The following SFPQ variants were observed in gnomAD, a reference collection of about 807,000 sequenced individuals.
SFPQ encodes the protein splicing factor, proline- and glutamine-rich.
Under a neutral mutation model 72.9 loss-of-function variants are expected in SFPQ, and 11 were observed. That is an observed-to-expected ratio of 0.15 (90% CI 0.09 to 0.25). SFPQ has a LOEUF of 0.25. Ranked by LOEUF, SFPQ falls within the 10% of genes least tolerant of loss-of-function variation. The pLI is 1.00. For synonymous variants in SFPQ, 506 were observed against 367.3 expected, an observed-to-expected ratio of 1.38 and a Z score of -4.32; for missense variants, 847 against 993.3, an observed-to-expected ratio of 0.85 and a Z score of 1.98.
At chr1:35,180,544 C>A, downstream of SFPQ, 1 of 1,049,592 alleles carries the variant, frequency 9.5e-7, no homozygotes, top group Non-Finnish European at 1.2e-6. Flanking sequence ...AGTCCCATAA[C>A]TTGAACTATT....
downstream of SFPQ, chr1:35,180,751 A>C (rs1444217837): frequency 9.4e-7 from 1 of 1,060,748 alleles, no homozygotes; most frequent in East Asian, 5.1e-5. Context: ...AATAGAGACT[A>C]ATTATCACAT....
intron 5 of SFPQ, among the ~76,000 whole-genome samples, chr1:35,176,867 C>T (rs1639264310): frequency 1.4e-5 from 2 of 140,000 alleles, no homozygotes; most frequent in South Asian, 4.4e-4. Context: ...GAGCAAGACT[C>T]CGTCTCAAAA....
downstream of SFPQ, chr1:35,181,183 T>C: frequency 9.4e-7 from 1 of 1,065,480 alleles, no homozygotes; most frequent in Non-Finnish European, 1.1e-6. Context: ...GAATACTACA[T>C]CCGGGTCCTA....
At chr1:35,190,461 G>C in intron 4 of SFPQ, 37 bp downstream of exon 4, 1 of 1,423,336 alleles carries the variant, frequency 7.0e-7, no homozygotes, top group Non-Finnish European at 9.8e-7. Context: ...CTTTACACTT[G>C]ATTTAAAAAC....
At chr1:35,177,924 TA>T in intron 4 of SFPQ, 2 of 721,918 alleles carry the variant, frequency 2.8e-6, no homozygotes, top group Non-Finnish European at 3.7e-6. Flanking sequence ...TCCACATATC[TA>T]AATGAAATTA....
At chr1:35,182,855 A>G (rs544014941), downstream of SFPQ, 53 of 1,046,658 alleles carry the variant, frequency 5.1e-5, no homozygotes, top group South Asian at 2.2e-3. Context: ...AACAATAAAC[A>G]ATCTACTTTA....
At position 35,191,508 on chromosome 1, in the gene SFPQ, G is replaced by T; in HGVS notation, c.850C>A (p.Leu284Ile). The T allele has an allele frequency of 6.2e-7, 1 of 1,612,866 alleles. No homozygotes were observed. The highest frequency in any genetic ancestry group is 8.5e-7 in the Non-Finnish European group (1 of 1,179,722). Residue 284 changes from leucine to isoleucine, a missense_variant, in exon 2 of 10, where the codon CTC (leucine) becomes ATC (isoleucine). This residue lies in a region of SFPQ where 498 missense variants were observed against 405.1 expected (regional missense o/e 1.23). Transcript: ENST00000357214. ...DSEGFKANLS[L>I]LRRPGEKTYT... ...GTTTTCTCTCCAGGCCTCCTCAAGA[G>T]AGACAAATTGGCTTTAAACCCCTAA...
chr1:35,179,527 A>G (rs2148604614), downstream of SFPQ: 1 of 1,053,958 alleles, frequency 9.5e-7, no homozygotes, highest in Admixed American at 5.5e-5. Context: ...GCACCTCGGT[A>G]TAGCATTATT....
chr1:35,193,027 C>T lies in SFPQ; in HGVS notation c.23G>A (p.Ser8Asn), dbSNP rs369530122. The change falls in exon 1 of 10, where the codon AGT becomes AAT. Residue 8 changes from serine (S) to asparagine (N), a missense_variant. By Grantham distance (46) the Ser-to-Asn change is conservative. Around this residue, in one of 6 missense-constraint regions of SFPQ, gnomAD observed 19 missense variants for 43.8 expected, o/e 0.43. Coordinates refer to ENST00000357214, the MANE Select transcript of SFPQ (RefSeq NM_005066.3). The stretch of plus-strand genomic sequence containing the variant: ...GAAGCCACCACCGCCACCGCCACGA[C>T]TCCGGAACCGATCCCGAGACATGTC... MSRDRFR[S>N]RGGGGGGFHR... The T allele has an allele frequency of 3.5e-4, 553 of 1,587,416 alleles. No individual in the cohort carries two copies. Among genetic ancestry groups the T allele is most frequent in the Non-Finnish European group, 4.5e-4 (533 of 1,174,982 alleles).
At position 35,189,237 on chromosome 1, in the gene SFPQ, T is replaced by G; in HGVS notation, c.1561A>C (p.Ser521Arg). ...TCATGATAGGCATCTTCCATTTCAC[T>G]TTCCAATTTGTCTTTTGCATCTTTC... is the stretch of plus-strand genomic sequence containing the variant. ...NMKDAKDKLE[S>R]EMEDAYHEHQ... The change falls in exon 5 of 10, where the codon AGT becomes CGT. Residue 521 changes from serine to arginine, a missense_variant. By Grantham distance (110) the Ser-to-Arg change is moderately radical. Around this residue, in one of 6 missense-constraint regions of SFPQ, gnomAD observed 132 missense variants for 255.4 expected, o/e 0.52. Transcript: ENST00000357214. 1 of 1,614,146 alleles carries G rather than the reference T, an allele frequency of 6.2e-7. No homozygotes were observed. The highest frequency in any genetic ancestry group is 8.5e-7 in the Non-Finnish European group (1 of 1,179,938).
intron 9 of SFPQ, among the ~76,000 whole-genome samples, 198 bp downstream of exon 9, chr1:35,186,801 ATC>A (rs1475201618): frequency 6.6e-6 from 1 of 152,222 alleles, no homozygotes. Flanking sequence ...GGCAACCGTT[ATC>A]TGTTTAGGTT....
chr1:35,192,556 G>A lies in SFPQ; in HGVS notation c.494C>T (p.Pro165Leu). The A allele has an allele frequency of 6.0e-6, 8 of 1,326,796 alleles. No homozygotes were observed. Among genetic ancestry groups the A allele is most frequent in the Non-Finnish European group, 7.7e-6 (8 of 1,044,394 alleles). 82.2% of individuals were successfully genotyped at this position (1,326,796 alleles called of 1,614,324 possible). The part of the protein sequence containing the change: ...PAVTSAPPGA[P>L]PPTPPSSGVP... Reference sequence around the variant, plus strand: ...CCCGCTGCTTGGCGGGGTGGGTGGCGGCGCCCCGGGAGGGGCCGAGGTGAC... The same window carrying A: ...CCCGCTGCTTGGCGGGGTGGGTGGCAGCGCCCCGGGAGGGGCCGAGGTGAC... The change falls in exon 1 of 10, where the codon CCG becomes CTG. Residue 165 changes from proline (P) to leucine (L), a missense_variant. Physicochemically the swap from Pro to Leu is moderately conservative, Grantham distance 98 (BLOSUM62 -3). Transcript: ENST00000357214.
Position 35,183,881 on chromosome 1 carries a change from A to G in SFPQ, c.*575T>C, listed in dbSNP as rs1639585822. The G allele has an allele frequency of 9.5e-7, 1 of 1,053,350 alleles. No individual in the cohort carries two copies. Among genetic ancestry groups the G allele is most frequent in the African/African-American group, 1.7e-5 (1 of 60,414 alleles). The allele number at this position is 1,053,350 out of a possible 1,614,324, so 65.3% of individuals were successfully genotyped here. ...AGCTTTGCTTACATAACCATTTAAA[A>G]AATACTTAGCACCAGCGTGCTTCCT... On this transcript the variant is annotated 3_prime_UTR_variant, in exon 10 of 10. Coordinates refer to ENST00000357214, the MANE Select transcript of SFPQ (RefSeq NM_005066.3).
chr1:35,177,203 G>C (rs951198309), intron 5 of SFPQ: 2 of 152,150 alleles, frequency 1.3e-5, no homozygotes, highest in African/African-American at 4.8e-5. Context: ...CAAAAGGAGC[G>C]AAACTCCATC....
chr1:35,186,568 C>T (rs1427667157), intron 9 of SFPQ, among the ~76,000 whole-genome samples: 2 of 152,270 alleles, frequency 1.3e-5, no homozygotes, highest in Middle Eastern at 3.4e-3. Flanking sequence ...ATCACTAAAA[C>T]GTGCCTAAAG....
chr1:35,181,627 A>T (rs1639470768), downstream of SFPQ: 1 of 1,060,338 alleles, frequency 9.4e-7, no homozygotes, highest in Non-Finnish European at 1.1e-6. Context: ...TAGGAGAAGT[A>T]TAAAAAACAA....
At position 35,184,395 on chromosome 1, in the gene SFPQ, A is replaced by C. The variant is rs565451246; in HGVS notation, c.*61T>G. The C allele has an allele frequency of 3.2e-6, 5 of 1,579,352 alleles. No homozygotes were observed. The Admixed American group carries it at 8.3e-5, about 26-fold the overall frequency. Reference sequence around the variant, plus strand: ...CTTTCTTACTAAAATGCAAGAATTTAAAAGATTGGTATCTAAACAAAAAAA... The same window carrying C: ...CTTTCTTACTAAAATGCAAGAATTTCAAAGATTGGTATCTAAACAAAAAAA... On this transcript the variant is annotated 3_prime_UTR_variant, in exon 10 of 10. Coordinates refer to ENST00000357214, the MANE Select transcript of SFPQ (RefSeq NM_005066.3).
At position 35,187,008 on chromosome 1, in the gene SFPQ, C is replaced by T; in HGVS notation, c.1979G>A (p.Ser660Asn). The T allele has an allele frequency of 2.5e-6, 4 of 1,613,592 alleles. No homozygotes were observed. The highest frequency in any genetic ancestry group is 3.4e-6 in the Non-Finnish European group (4 of 1,179,554). Residue 660 changes from serine to asparagine, a missense_variant, in exon 9 of 10, where the codon AGT becomes AAT. Physicochemically the swap from Ser to Asn is conservative, Grantham distance 46 (BLOSUM62 1). Coordinates refer to ENST00000357214, the MANE Select transcript of SFPQ (RefSeq NM_005066.3). Reference sequence around the variant, plus strand: ...TCCCACAGGATACATTACCATGTCACTTCCCATCATGGAACCACTCATGGT... The same window carrying T: ...TCCCACAGGATACATTACCATGTCATTTCCCATCATGGAACCACTCATGGT... ...PATMSGSMMGSDMRTERFGQG... is the reference protein window; with the variant it reads ...PATMSGSMMGNDMRTERFGQG...
rs759698809 is a variant in SFPQ at position 35,183,924 on chromosome 1, T to C, written c.*532A>G. On this transcript the variant is annotated 3_prime_UTR_variant, in exon 10 of 10. Transcript: ENST00000357214. ...TGCTTCCTATATGCCAAACAAATCATCAAACTACTTCAATATGCATTTCTT... is the reference window on the plus strand; with the variant it reads ...TGCTTCCTATATGCCAAACAAATCACCAAACTACTTCAATATGCATTTCTT... 25 of 1,050,264 alleles carry C rather than the reference T, an allele frequency of 2.4e-5. No individual in the cohort carries two copies. Among genetic ancestry groups the C allele is most frequent in the Non-Finnish European group, 2.9e-5 (25 of 869,652 alleles). The allele number at this position is 1,050,264 out of a possible 1,614,324, so 65.1% of individuals were successfully genotyped here.
Sources: gnomAD v4.1 joint callset for allele counts (sites outside exome capture counted in the v4.1 genomes callset) on GRCh38, gnomAD v4.1.1 for gene constraint, gnomAD v4.1.1 regional missense constraint, MANE v1.5 for transcripts, NCBI Gene and HGNC (gene_info 2026-07-23, HGNC 2026-07-21) for gene names.